The following THSD4 variants were observed in gnomAD, a reference collection of about 807,000 sequenced individuals.
THSD4 encodes thrombospondin type 1 domain containing 4, also known as thrombospondin type-1 domain-containing protein 4.
A neutral mutation model predicts 119.0 loss-of-function variants in THSD4; 69 were observed. The observed-to-expected ratio is 0.58, with a 90% CI of 0.48 to 0.71. The LOEUF is 0.71. Among genes scored for constraint, THSD4 ranks in the 30% least tolerant of loss-of-function variants. The probability of loss-of-function intolerance (pLI) is 0.00; values close to 1 mark genes in which losing one functional copy is unlikely to be tolerated. For missense variants in THSD4, 1,393 were observed against 1,391.1 expected (o/e 1.00, Z -0.02); for synonymous variants, 524 against 540.4 (o/e 0.97, Z 0.42).
At chr15:71,188,136 G>T (rs1194352398) in intron 3 of THSD4, among the ~76,000 whole-genome samples, 1 of 152,178 alleles carries the variant, frequency 6.6e-6, no homozygotes, top group Non-Finnish European at 1.5e-5. Flanking sequence ...GGTAAATACG[G>T]TAATTTCAAA....
At chr15:71,512,948 C>T (rs2048304049) in intron 7 of THSD4, among the ~76,000 whole-genome samples, 1 of 152,260 alleles carries the variant, frequency 6.6e-6, no homozygotes, top group African/African-American at 2.4e-5. Flanking sequence ...TGAAAACATA[C>T]ATCTTGGTGC....
intron 6 of THSD4, among the ~76,000 whole-genome samples, chr15:71,357,524 G>T (rs568387629): frequency 1.3e-5 from 2 of 152,322 alleles, no homozygotes; most frequent in Non-Finnish European, 2.9e-5. Context: ...CGGCTGCCAG[G>T]TTTCGAGAAA....
At chr15:71,221,515 T>C (rs2140255729) in intron 4 of THSD4, among the ~76,000 whole-genome samples, 1 of 152,324 alleles carries the variant, frequency 6.6e-6, no homozygotes, top group South Asian at 2.1e-4. Context: ...CTCTTAAGTA[T>C]CTCATGTAAA....
At chr15:71,604,455 T>C (rs34154249) in intron 7 of THSD4, among the ~76,000 whole-genome samples, 14,433 of 152,284 alleles carry the variant, frequency 0.095, 848 homozygotes, top group Middle Eastern at 0.17. Context: ...TTGGACTTAC[T>C]ATGGCATTTT....
At chr15:71,756,557 C>T (rs1369222555) in intron 14 of THSD4, among the ~76,000 whole-genome samples, 8 of 152,064 alleles carry the variant, frequency 5.3e-5, no homozygotes, top group Admixed American at 2.6e-4. Context: ...CCGAGGCAGG[C>T]GGATCTCTTG....
intron 3 of THSD4, among the ~76,000 whole-genome samples, chr15:71,197,777 C>T (rs529650820): frequency 1.3e-5 from 2 of 152,202 alleles, no homozygotes; most frequent in Admixed American, 6.5e-5. Flanking sequence ...GCCTGAGGGT[C>T]CCACTGAATA....
At chr15:71,731,548 G>A (rs1432853356) in intron 10 of THSD4, 11 of 279,064 alleles carry the variant, frequency 3.9e-5, no homozygotes, top group South Asian at 3.4e-4. Context: ...GGAGGCCGAC[G>A]CAGGTGGATC....
Position 71,318,741 on chromosome 15 carries a change from A to T in THSD4, c.1015+62026A>T, listed in dbSNP as rs557767231. Among the ~76,000 whole-genome samples, 3 of 152,284 alleles carry T rather than the reference A, an allele frequency of 2.0e-5. No homozygotes were observed. The South Asian group carries it at 6.2e-4, about 32-fold the overall frequency. On this transcript the variant is annotated intron_variant, in intron 6 of 17. Transcript: ENST00000261862. ...TAAAGATCCTAGGGGAAGCAGGAGCAATGAATCTAAGACTTAGAACAGAAG... is the reference window on the plus strand; with the variant it reads ...TAAAGATCCTAGGGGAAGCAGGAGCTATGAATCTAAGACTTAGAACAGAAG...
chr15:71,315,869 A>C (rs1393520667), intron 6 of THSD4, among the ~76,000 whole-genome samples: 2 of 152,050 alleles, frequency 1.3e-5, no homozygotes, highest in Admixed American at 1.3e-4. Context: ...TCACCAACAC[A>C]AAAAAAATTG....
At chr15:71,290,875 CTTT>C (rs11438956) in intron 6 of THSD4, among the ~76,000 whole-genome samples, 2 of 129,476 alleles carry the variant, frequency 1.5e-5, no homozygotes, top group African/African-American at 2.9e-5. Context: ...TCCTTTTTTC[CTTT>C]TTTTTTTTTT....
At chr15:71,231,460 C>T (rs1299888150) in intron 4 of THSD4, among the ~76,000 whole-genome samples, 4 of 152,188 alleles carry the variant, frequency 2.6e-5, no homozygotes, top group African/African-American at 7.2e-5. Context: ...AACCACCTTT[C>T]TGCTTCCTCT....
upstream of THSD4, among the ~76,000 whole-genome samples, chr15:71,114,145 C>CG (rs1408312489): frequency 6.6e-6 from 1 of 152,162 alleles, no homozygotes; most frequent in African/African-American, 2.4e-5. Flanking sequence ...TGCCAGGCTC[C>CG]GGGCCAGTAG....
At chr15:71,413,923 G>C (rs1189820969) in intron 7 of THSD4, among the ~76,000 whole-genome samples, 1 of 152,198 alleles carries the variant, frequency 6.6e-6, no homozygotes, top group Non-Finnish European at 1.5e-5. Context: ...AAATGTTACT[G>C]AACTAAAATG....
intron 7 of THSD4, among the ~76,000 whole-genome samples, chr15:71,437,061 T>G (rs2047022662): frequency 6.6e-6 from 1 of 152,174 alleles, no homozygotes; most frequent in Non-Finnish European, 1.5e-5. Flanking sequence ...GGAAGCATGG[T>G]GTTGGCATCT....
rs144521607 is a variant in THSD4, at chr15:71,503,099, A to T, written c.1152+91276A>T. 2.2e-3 allele frequency among the ~76,000 whole-genome samples: 335 copies of T among 152,336 alleles called. 8 individuals carry two copies. The South Asian group carries it at 0.037, about 17-fold the overall frequency. On this transcript the variant is annotated intron_variant, in intron 7 of 17. Coordinates refer to ENST00000261862, the MANE Select transcript of THSD4 (RefSeq NM_024817.3). ...AGGTTCCTGTGATAGTGACTGAAGG[A>T]CAATTTTAGATGGATGGCAGAGAAG...
At chr15:71,457,402 A>G (rs1276561710) in intron 7 of THSD4, among the ~76,000 whole-genome samples, 1 of 127,988 alleles carries the variant, frequency 7.8e-6, no homozygotes, top group Non-Finnish European at 1.7e-5. Context: ...AAAAAAAAAA[A>G]GCCAAGATGG....
At chr15:71,472,699 G>A (rs890500359) in intron 7 of THSD4, among the ~76,000 whole-genome samples, 3 of 152,168 alleles carry the variant, frequency 2.0e-5, no homozygotes, top group South Asian at 2.1e-4. Context: ...AGTCCTGCTC[G>A]CTGACCTGCA....
At chr15:71,124,442 G>A (rs1005509345) in intron 1 of THSD4, among the ~76,000 whole-genome samples, 1 of 152,168 alleles carries the variant, frequency 6.6e-6, no homozygotes, top group Non-Finnish European at 1.5e-5. Flanking sequence ...TGGTCTAGAC[G>A]CTTACAATAT....
At chr15:71,614,127 C>T (rs1407695189) in intron 7 of THSD4, among the ~76,000 whole-genome samples, 1 of 152,102 alleles carries the variant, frequency 6.6e-6, no homozygotes, top group Non-Finnish European at 1.5e-5. Context: ...CTATTTTGGC[C>T]AAACATTTTT....
Sources: gnomAD v4.1 joint callset for allele counts (sites outside exome capture counted in the v4.1 genomes callset) on GRCh38, gnomAD v4.1.1 for gene constraint, MANE v1.5 for transcripts, NCBI Gene and HGNC (gene_info 2026-07-23, HGNC 2026-07-21) for gene names.